DZIP1L: variants seen among roughly 807,000 people sequenced by gnomAD.
DZIP1L encodes the protein DAZ interacting zinc finger protein 1 like, also known as cilium assembly protein DZIP1L.
A neutral mutation model predicts 88.7 loss-of-function variants in DZIP1L; 90 were observed. The observed-to-expected ratio is 1.02, with a 90% CI of 0.86 to 1.21. DZIP1L has a LOEUF of 1.21. Ranked by LOEUF, DZIP1L falls within the 50% of genes most tolerant of loss-of-function variation. DZIP1L has a pLI of 0.00. For missense variants in DZIP1L, 932 were observed against 955.8 expected, an observed-to-expected ratio of 0.98 and a Z score of 0.33; for synonymous variants, 363 against 372.1, an observed-to-expected ratio of 0.98 and a Z score of 0.28.
In DZIP1L at chr3:138,063,178, G is replaced by C. The variant is rs181810217; in HGVS notation, c.2143-201C>G. On this transcript the variant is annotated intron_variant, in intron 15 of 15. Transcript: ENST00000327532. This position sits in a 1 kb window ranked among gnomAD's most constrained non-coding sequence, Gnocchi z 4.1. ...AACCTGCTTTAGTGACCTGGGATCA[G>C]GGTGATTTCAAATACCCCTGAAATT... 6.6e-6 allele frequency among the ~76,000 whole-genome samples: 1 copy of C among 152,164 alleles called. No individual in the cohort carries two copies. Among genetic ancestry groups the C allele is most frequent in the Non-Finnish European group, 1.5e-5 (1 of 68,024 alleles).
At chr3:138,067,171 T>C (rs1396307691) in intron 14 of DZIP1L, among the ~76,000 whole-genome samples, 4 of 152,118 alleles carry the variant, frequency 2.6e-5, no homozygotes, top group Non-Finnish European at 4.4e-5. Context: ...TCACCACTAC[T>C]AGAGCGAGGC....
At chr3:138,068,914 C>A in intron 12 of DZIP1L, 3 of 1,255,792 alleles carry the variant, frequency 2.4e-6, no homozygotes, top group Admixed American at 4.1e-5. Flanking sequence ...AGAGCGGTCC[C>A]GGATCAGCAA....
chr3:138,075,059 G>C (rs1943341582), intron 11 of DZIP1L, among the ~76,000 whole-genome samples: 1 of 151,778 alleles, frequency 6.6e-6, no homozygotes, highest in Non-Finnish European at 1.5e-5. Context: ...AAGACAAACA[G>C]GGACATTACA....
At position 138,067,585 on chromosome 3, in the gene DZIP1L, A is replaced by G. The variant is rs774354933; in HGVS notation, c.1948T>C (p.Trp650Arg). Residue 650 changes from tryptophan (W) to arginine (R), a missense_variant, in exon 14 of 16, where the codon TGG (tryptophan) becomes CGG (arginine). Coordinates refer to ENST00000327532, the MANE Select transcript of DZIP1L (RefSeq NM_173543.3). ...MVPRPKDDWD[W>R]SDTETSEENA... is the part of the protein sequence containing the mutation. ...TCCTCCGAGGTCTCTGTGTCAGACC[A>G]GTCCCAGTCATCCTTGGGCCGGGGC... 1 of 1,612,238 alleles carries G rather than the reference A, an allele frequency of 6.2e-7. No homozygotes were observed. Among genetic ancestry groups the G allele is most frequent in the South Asian group, 1.1e-5 (1 of 90,692 alleles).
rs140798014 is a variant in DZIP1L at position 138,078,930 on chromosome 3, G to T, written c.1289-1298C>A. On this transcript the variant is annotated intron_variant, in intron 10 of 15. Transcript: ENST00000327532. ...CTGGGTGATTCTTAATGTTTAGCCA[G>T]TTGTAGACAGCCACTGGTCTCACAG... 7.5e-4 allele frequency among the ~76,000 whole-genome samples: 115 copies of T among 152,354 alleles called. 3 individuals carry two copies. The East Asian group carries it at 0.022, about 29-fold the overall frequency.
intron 12 of DZIP1L, 38 bp from the exon 13 acceptor site, chr3:138,068,405 C>T (rs1943016867): frequency 1.4e-6 from 2 of 1,423,234 alleles, no homozygotes; most frequent in Non-Finnish European, 9.3e-7. Flanking sequence ...GGAGTACACC[C>T]ATGCTGGATC....
intron 11 of DZIP1L, among the ~76,000 whole-genome samples, chr3:138,072,545 C>G (rs993530016): frequency 6.6e-6 from 1 of 151,926 alleles, no homozygotes; most frequent in African/African-American, 2.4e-5. Context: ...TAGTGTAATG[C>G]TTGGCTAATT....
chr3:138,077,598 C>A lies in DZIP1L; in HGVS notation c.1323G>T (p.Val441=). Residue 441 remains valine (V), a synonymous_variant, in exon 11 of 16, where the codon GTG becomes GTT. Coordinates refer to ENST00000327532, the MANE Select transcript of DZIP1L (RefSeq NM_173543.3). ...MEDSQDEQHK[V]LAALRRNPTL... is the part of the protein sequence containing the mutation. ...TGGGGTTACGCCTCAGAGCTGCCAG[C>A]ACCTTGTGCTGTTCATCCTGGGAGT... 1 of 1,614,218 alleles carries A rather than the reference C, an allele frequency of 6.2e-7. No homozygotes were observed. The highest frequency in any genetic ancestry group is 8.5e-7 in the Non-Finnish European group (1 of 1,180,036).
chr3:138,101,237 T>TG (rs397719773), intron 2 of DZIP1L, among the ~76,000 whole-genome samples: 2 of 151,108 alleles, frequency 1.3e-5, no homozygotes, highest in Non-Finnish European at 3.0e-5. Context: ...TTTTTTTTTT[T>TG]GGCAGAGATA....
At chr3:138,088,316 A>G in intron 6 of DZIP1L, 63 bp downstream of exon 6, 1 of 1,522,564 alleles carries the variant, frequency 6.6e-7, no homozygotes, top group Non-Finnish European at 8.8e-7. Context: ...ATGAGAGAAT[A>G]TATTGGAAGA....
chr3:138,102,593 C>T, intron 2 of DZIP1L: 3 of 1,469,772 alleles, frequency 2.0e-6, no homozygotes, highest in Non-Finnish European at 2.9e-6. Flanking sequence ...AGGAACCATA[C>T]CTTGTCTATG....
intron 8 of DZIP1L, among the ~76,000 whole-genome samples, chr3:138,083,886 T>C (rs1317313027): frequency 6.6e-6 from 1 of 152,120 alleles, no homozygotes; most frequent in East Asian, 1.9e-4. Context: ...GCTGTTAGAG[T>C]GGCCCCATCT....
intron 7 of DZIP1L, among the ~76,000 whole-genome samples, chr3:138,086,112 T>A (rs1156802288): frequency 1.6e-5 from 2 of 125,968 alleles, no homozygotes; most frequent in African/African-American, 6.1e-5. Flanking sequence ...TGTTGTGGGG[T>A]GGGGGGAGTG....
chr3:138,103,266 T>TACACACACACACAC (rs141152295), intron 2 of DZIP1L, among the ~76,000 whole-genome samples: 3 of 150,116 alleles, frequency 2.0e-5, no homozygotes, highest in African/African-American at 7.3e-5. Context: ...TACACACACA[T>TACACACACACACAC]ACACACACAC....
rs571570117 is a variant in DZIP1L at position 138,085,334 on chromosome 3, A to T, written c.1063-1081T>A. ...GTGAACAGGCAACCTACAAAATGGGAGAAAATTTTTGCAACCTACTCATCT... is the reference window on the plus strand; with the variant it reads ...GTGAACAGGCAACCTACAAAATGGGTGAAAATTTTTGCAACCTACTCATCT... On this transcript the variant is annotated intron_variant, in intron 7 of 15. Coordinates refer to ENST00000327532, the MANE Select transcript of DZIP1L (RefSeq NM_173543.3). Among the ~76,000 whole-genome samples, 396 of 152,328 alleles carry T rather than the reference A, an allele frequency of 2.6e-3. 1 individual carries two copies. Among genetic ancestry groups the T allele is most frequent in the African/African-American group, 8.9e-3 (371 of 41,552 alleles).
intron 8 of DZIP1L, among the ~76,000 whole-genome samples, chr3:138,082,135 C>T (rs554656163): frequency 1.3e-5 from 2 of 152,328 alleles, no homozygotes; most frequent in East Asian, 1.9e-4. Context: ...TCCCACAATG[C>T]GGGCGTCTGA....
chr3:138,069,280 C>A, intron 12 of DZIP1L: 1 of 485,548 alleles, frequency 2.1e-6, no homozygotes, highest in Non-Finnish European at 3.7e-6. Flanking sequence ...GTTCTTTTCT[C>A]TAGCTTACTT....
intron 12 of DZIP1L, among the ~76,000 whole-genome samples, chr3:138,070,339 T>C (rs1943119404): frequency 6.6e-6 from 1 of 152,206 alleles, no homozygotes; most frequent in South Asian, 2.1e-4. Context: ...AATTGGAGCA[T>C]AAAAGGCAGA....
chr3:138,084,283 A>C, intron 7 of DZIP1L, 30 bp from the exon 8 acceptor site: 1 of 1,608,952 alleles, frequency 6.2e-7, no homozygotes, highest in Non-Finnish European at 8.5e-7. Context: ...TGGTCAGTCA[A>C]ATGTCTGCAG....
Sources: allele counts gnomAD v4.1 joint callset (sites outside exome capture counted in the v4.1 genomes callset), GRCh38; gene constraint gnomAD v4.1.1; non-coding constraint Gnocchi (gnomAD v3.1); transcripts MANE v1.5; gene names NCBI Gene and HGNC (gene_info 2026-07-23, HGNC 2026-07-21).